TGFB3: variants seen among roughly 807,000 people sequenced by gnomAD.
The protein encoded by TGFB3 is transforming growth factor beta-3 proprotein.
Under a neutral mutation model 40.1 loss-of-function variants are expected in TGFB3, and 5 were observed. The observed-to-expected ratio is 0.12, with a 90% CI of 0.07 to 0.26. The LOEUF is 0.26. TGFB3 is among the 10% of genes least tolerant of loss of function. The pLI, the probability that TGFB3 is intolerant of heterozygous loss-of-function variation, is 1.00. For missense variants in TGFB3, 373 were observed against 530.1 expected, an observed-to-expected ratio of 0.70 and a Z score of 2.91; for synonymous variants, 184 against 205.6, an observed-to-expected ratio of 0.89 and a Z score of 0.90.
chr14:75,960,833 A>C, intron 6 of TGFB3, 90 bp downstream of exon 6: 1 of 1,566,216 alleles, frequency 6.4e-7, no homozygotes, highest in East Asian at 2.2e-5. Context: ...TCATTTGCTC[A>C]CTCAACATTC....
At position 75,978,842 on chromosome 14, in the gene TGFB3, C is replaced by T. The variant is rs1566685854; in HGVS notation, c.352+1700G>A. 6.6e-6 allele frequency among the ~76,000 whole-genome samples: 1 copy of T among 152,184 alleles called. No homozygotes were observed. Among genetic ancestry groups the T allele is most frequent in the Non-Finnish European group, 1.5e-5 (1 of 68,028 alleles). The stretch of plus-strand genomic sequence containing the variant: ...GGGGGGGTCCTGGTGACTCAGAATG[C>T]TTCCTCCCTTGGACTCCTCCTGCTG... On this transcript the variant is annotated intron_variant, in intron 1 of 6. Transcript: ENST00000238682. The surrounding 1 kb of genome is among the most constrained non-coding windows in gnomAD (Gnocchi z 5.0).
At chr14:75,972,624 T>G (rs1429531733) in intron 1 of TGFB3, among the ~76,000 whole-genome samples, 1 of 152,116 alleles carries the variant, frequency 6.6e-6, no homozygotes, top group Non-Finnish European at 1.5e-5. Flanking sequence ...ATGGAGTGAC[T>G]GCTGGAAGCA....
chr14:75,963,727 C>G (rs1280494821), intron 4 of TGFB3, among the ~76,000 whole-genome samples: 1 of 152,168 alleles, frequency 6.6e-6, no homozygotes, highest in East Asian at 1.9e-4. Context: ...AAAGATGCCC[C>G]GTGTTCAGAT....
Position 75,959,119 on chromosome 14 carries a change from G to A in TGFB3, c.*68C>T, listed in dbSNP as rs776061183. 1.9e-6 allele frequency: 3 copies of A among 1,606,440 alleles called. No homozygotes were observed. Among genetic ancestry groups the A allele is most frequent in the Non-Finnish European group, 2.6e-6 (3 of 1,173,798 alleles). ...TCTCAGTGAGGTTTGTTGCTTGTGT[G>A]TTTCCCGAGGAGCGGGCAGTCAGGC... On this transcript the variant is annotated 3_prime_UTR_variant, in exon 7 of 7. Coordinates refer to ENST00000238682, the MANE Select transcript of TGFB3 (RefSeq NM_003239.5).
intron 4 of TGFB3, among the ~76,000 whole-genome samples, chr14:75,964,753 G>A (rs2035201680): frequency 6.6e-6 from 1 of 152,142 alleles, no homozygotes; most frequent in African/African-American, 2.4e-5. Context: ...TGTAGGTAAG[G>A]ACTCCAAAGG....
rs756208950 is a variant in TGFB3, at chr14:75,971,666, A to G, written c.405T>C (p.Asn135=). ...TTCTATTTTTCTCCACTGAGGACAC[A>G]TTGAAGCGGAAAACCTTGGAGGTAA... ...KGITSKVFRF[N]VSSVEKNRTN... Residue 135 remains asparagine (N), a synonymous_variant, in exon 2 of 7, where the codon AAT becomes AAC. Transcript: ENST00000238682. This position sits in a 1 kb window ranked among gnomAD's most constrained non-coding sequence, Gnocchi z 4.5. The G allele has an allele frequency of 5.0e-6, 8 of 1,614,254 alleles. No homozygotes were observed. In the South Asian group the frequency reaches 6.6e-5, roughly 13 times the overall value.
intron 3 of TGFB3, among the ~76,000 whole-genome samples, chr14:75,969,913 G>A (rs891251016): frequency 1.3e-5 from 2 of 152,092 alleles, no homozygotes; most frequent in African/African-American, 2.4e-5. Context: ...CACTGCTACC[G>A]CCCTAGTCTC....
At position 75,971,321 on chromosome 14, in the gene TGFB3, G is replaced by T; in HGVS notation, c.517-66C>A. ...AGAGTGCCCCAGAAGATGTCACAAT[G>T]CAGAGCACAGGTGAGGGAGCGATAG... On this transcript the variant is annotated intron_variant, in intron 2 of 6. Coordinates refer to ENST00000238682, the MANE Select transcript of TGFB3 (RefSeq NM_003239.5). The surrounding 1 kb of genome is among the most constrained non-coding windows in gnomAD (Gnocchi z 4.5). 1 of 1,611,406 alleles carries T rather than the reference G, an allele frequency of 6.2e-7. No homozygotes were observed. The highest frequency in any genetic ancestry group is 8.5e-7 in the Non-Finnish European group (1 of 1,178,928).
chr14:75,967,063 C>T (rs2035229560), intron 3 of TGFB3, among the ~76,000 whole-genome samples: 1 of 152,204 alleles, frequency 6.6e-6, no homozygotes, highest in South Asian at 2.1e-4. Flanking sequence ...CTGGAGTCTT[C>T]CTGAAATTGT....
intron 1 of TGFB3, among the ~76,000 whole-genome samples, chr14:75,975,496 C>T (rs1320971085): frequency 6.6e-6 from 1 of 152,188 alleles, no homozygotes. Context: ...AATGAATCAT[C>T]GTATACATAA....
chr14:75,969,673 G>A (rs1030859181), intron 3 of TGFB3, among the ~76,000 whole-genome samples: 3 of 152,178 alleles, frequency 2.0e-5, no homozygotes, highest in African/African-American at 7.2e-5. Flanking sequence ...AGTTTGATAT[G>A]CCTCCAGGAT....
At chr14:75,963,197 G>A in intron 5 of TGFB3, 119 bp downstream of exon 5, 1 of 1,105,066 alleles carries the variant, frequency 9.0e-7, no homozygotes, top group Non-Finnish European at 1.4e-6. Context: ...TCTTCCTGGA[G>A]ATGTTTGTGA....
chr14:75,965,703 A>G lies in TGFB3; in HGVS notation c.647-8T>C. The G allele has an allele frequency of 2.5e-6, 4 of 1,609,026 alleles. No individual in the cohort carries two copies. Among genetic ancestry groups the G allele is most frequent in the Non-Finnish European group, 3.4e-6 (4 of 1,175,324 alleles). ...CTAGACCTAAGTTGGACTCTGCAAA[A>G]TAAGACAGAATTAGTGAGAAAAGCA... On this transcript the variant is annotated splice_region_variant and splice_polypyrimidine_tract_variant and intron_variant, in intron 3 of 6. Transcript: ENST00000238682.
At chr14:75,970,658 C>T (rs2035279780) in intron 3 of TGFB3, 1 of 166,082 alleles carries the variant, frequency 6.0e-6, no homozygotes, top group South Asian at 1.6e-4. Flanking sequence ...ACCTCCCCTC[C>T]TCTTCCCCTC....
At position 75,963,507 on chromosome 14, in the gene TGFB3, T is replaced by G. The variant is rs747852718; in HGVS notation, c.755-20A>C. 67 of 1,613,966 alleles carry G rather than the reference T, an allele frequency of 4.2e-5. No individual in the cohort carries two copies. Among genetic ancestry groups the G allele is most frequent in the Non-Finnish European group, 5.7e-5 (67 of 1,179,994 alleles). On this transcript the variant is annotated intron_variant, in intron 4 of 6. Transcript: ENST00000238682. ...CCACGCCTGAAGAAGGGAAGGAAAG[T>G]GACAATCTCCTGTCTGAAGAGAGCA...
rs764272549 is a variant in TGFB3 at position 75,963,482 on chromosome 14, C to A, written c.760G>T (p.Asp254Tyr). The A allele has an allele frequency of 3.1e-6, 5 of 1,614,022 alleles. No individual in the cohort carries two copies. In the Admixed American group the frequency reaches 8.3e-5, roughly 27 times the overall value. Residue 254 changes from aspartate (D) to tyrosine (Y), a missense_variant, in exon 5 of 7, where the codon GAC (aspartate) becomes TAC (tyrosine). Transcript: ENST00000238682. Reference sequence around the variant, plus strand: ...CCACGGCCATGGTCATCCTCATTGTCCACGCCTGAAGAAGGGAAGGAAAGT... The same window carrying A: ...CCACGGCCATGGTCATCCTCATTGTACACGCCTGAAGAAGGGAAGGAAAGT... ...EVMEIKFKGVDNEDDHGRGDL... is the reference protein window; with the variant it reads ...EVMEIKFKGVYNEDDHGRGDL...
Position 75,971,002 on chromosome 14 carries a change from T to C in TGFB3, c.646+124A>G. ...GAGTGAATGAATGGAGGATACTCAGTGGCAAAGCTAGGGTTTGAACCCAGA... is the reference window on the plus strand; with the variant it reads ...GAGTGAATGAATGGAGGATACTCAGCGGCAAAGCTAGGGTTTGAACCCAGA... On this transcript the variant is annotated intron_variant, in intron 3 of 6. Transcript: ENST00000238682. The surrounding 1 kb of genome is among the most constrained non-coding windows in gnomAD (Gnocchi z 4.5). 1 of 1,384,748 alleles carries C rather than the reference T, an allele frequency of 7.2e-7. No homozygotes were observed. The highest frequency in any genetic ancestry group is 1.0e-6 in the Non-Finnish European group (1 of 986,788). The allele number at this position is 1,384,748 out of a possible 1,614,324, so 85.8% of individuals were successfully genotyped here.
intron 5 of TGFB3, 96 bp downstream of exon 5, chr14:75,963,220 A>T: frequency 7.4e-7 from 1 of 1,356,836 alleles, no homozygotes; most frequent in Admixed American, 1.7e-5. Flanking sequence ...AGCATCAGGG[A>T]CCCTCTGTTG....
chr14:75,979,474 C>T lies in TGFB3; in HGVS notation c.352+1068G>A, dbSNP rs886267844. On this transcript the variant is annotated intron_variant, in intron 1 of 6. Transcript: ENST00000238682. This position sits in a 1 kb window ranked among gnomAD's most constrained non-coding sequence, Gnocchi z 4.8. ...TAGGAAAAGCAAACAGAGCTGCTCC[C>T]GGAGTCTACGGCCCACGAGTGGCTC... Among the ~76,000 whole-genome samples, 8 of 152,154 alleles carry T rather than the reference C, an allele frequency of 5.3e-5. No homozygotes were observed. The highest frequency in any genetic ancestry group is 1.9e-4 in the East Asian group (1 of 5,186).
Sources: allele counts gnomAD v4.1 joint callset (sites outside exome capture counted in the v4.1 genomes callset), GRCh38; gene constraint gnomAD v4.1.1; non-coding constraint Gnocchi (gnomAD v3.1); transcripts MANE v1.5; gene names NCBI Gene and HGNC (gene_info 2026-07-23, HGNC 2026-07-21).